ZNF607: variants seen among roughly 807,000 people sequenced by gnomAD.
ZNF607 encodes zinc finger protein 607.
ZNF607 carries 5 observed loss-of-function variants against 12.8 expected under a neutral mutation model. That is an observed-to-expected ratio of 0.39 (90% CI 0.20 to 0.82). The LOEUF is 0.82. Ranked by LOEUF, ZNF607 falls within the 40% of genes least tolerant of loss-of-function variation. ZNF607 has a pLI of 0.39. For missense variants in ZNF607, 851 were observed against 859.2 expected, an observed-to-expected ratio of 0.99 and a Z score of 0.12; for synonymous variants, 287 against 276.2, an observed-to-expected ratio of 1.04 and a Z score of -0.39.
Position 37,699,626 on chromosome 19 carries a change from G to T in ZNF607, c.505C>A (p.Pro169Thr). Residue 169 changes from proline to threonine, a missense_variant, in exon 5 of 5, where the codon CCT becomes ACT. By Grantham distance (38) the Pro-to-Thr change is conservative (BLOSUM62 -1). Transcript: ENST00000355202. Reference sequence around the variant, plus strand: ...TTCCCACATTCTTCACATTCATAAGGTTTCTCACGAGCATTAATTTTCTGA... The same window carrying T: ...TTCCCACATTCTTCACATTCATAAGTTTTCTCACGAGCATTAATTTTCTGA... ...KHQKINAREK[P>T]YECEECGKVF... The T allele has an allele frequency of 6.2e-7, 1 of 1,614,092 alleles. No individual in the cohort carries two copies. The highest frequency in any genetic ancestry group is 8.5e-7 in the Non-Finnish European group (1 of 1,179,998).
rs2145222827 is a variant in ZNF607, at chr19:37,698,820, G to A, written c.1311C>T (p.Ala437=). ...GKAFSQRAHL[A]HHNRIHTGYK... is the part of the protein sequence containing the mutation. ...AACCAGTATGAATTCTGTTATGATG[G>A]GCAAGGTGTGCACGCTGACTGAAGG... Residue 437 remains alanine (A), a synonymous_variant, in exon 5 of 5, where the codon GCC becomes GCT. Coordinates refer to ENST00000355202, the MANE Select transcript of ZNF607 (RefSeq NM_032689.5). 1.9e-6 allele frequency: 3 copies of A among 1,606,228 alleles called. No individual in the cohort carries two copies. The highest frequency in any genetic ancestry group is 2.2e-5 in the East Asian group (1 of 44,500).
intron 2 of ZNF607, 144 bp downstream of exon 2, chr19:37,711,466 A>G (rs1244853929): frequency 8.6e-6 from 7 of 816,146 alleles, no homozygotes; most frequent in East Asian, 5.1e-5. Context: ...GATGTGGTAC[A>G]TATTTTACTG....
chr19:37,699,697 T>G lies in ZNF607; in HGVS notation c.434A>C (p.Glu145Ala). ...ATGGCTAAATGCCTTCCTAAACTTT[T>G]CACATTGATCAGGTTCCTCACTAGT... ...IHTSEEPDQC[E>A]KFRKAFSHLT... Residue 145 changes from glutamate to alanine, a missense_variant, in exon 5 of 5, where the codon GAA becomes GCA. By Grantham distance (107) the Glu-to-Ala change is moderately radical (BLOSUM62 -1). Coordinates refer to ENST00000355202, the MANE Select transcript of ZNF607 (RefSeq NM_032689.5). 1 of 1,614,138 alleles carries G rather than the reference T, an allele frequency of 6.2e-7. No individual in the cohort carries two copies. The highest frequency in any genetic ancestry group is 8.5e-7 in the Non-Finnish European group (1 of 1,180,002).
chr19:37,697,124 GCA>G lies in ZNF607; in HGVS notation c.*914_*915del. ...GGCTAGTGATGGGCCGGAAGAGGATGCACAGTGTGATGTTGACATTCTGTAAA... is the reference window on the plus strand; with the variant it reads ...GGCTAGTGATGGGCCGGAAGAGGATGCAGTGTGATGTTGACATTCTGTAAA... On this transcript the variant is annotated 3_prime_UTR_variant, in exon 5 of 5. Transcript: ENST00000355202. The G allele has an allele frequency of 2.7e-6, 2 of 746,668 alleles. No homozygotes were observed. Among genetic ancestry groups the G allele is most frequent in the Non-Finnish European group, 5.0e-6 (2 of 398,444 alleles). 46.3% of individuals were successfully genotyped at this position (746,668 alleles called of 1,614,324 possible).
chr19:37,696,776 C>G lies in ZNF607; in HGVS notation c.*1264G>C. 7.4e-7 allele frequency: 1 copy of G among 1,344,320 alleles called. No individual in the cohort carries two copies. Among genetic ancestry groups the G allele is most frequent in the South Asian group, 1.2e-5 (1 of 83,122 alleles). The allele number at this position is 1,344,320 out of a possible 1,614,324, so 83.3% of individuals were successfully genotyped here. ...GCCAGTGAGTTGGCGATCAGCTCAG[C>G]TGCCTTGGAGTCACCCTCAGCAGAG... On this transcript the variant is annotated 3_prime_UTR_variant, in exon 5 of 5. Coordinates refer to ENST00000355202, the MANE Select transcript of ZNF607 (RefSeq NM_032689.5).
rs2045021001 is a variant in ZNF607, at chr19:37,699,663, G to T, written c.468C>A (p.Asp156Glu). The T allele has an allele frequency of 1.2e-6, 2 of 1,613,928 alleles. No homozygotes were observed. The highest frequency in any genetic ancestry group is 1.7e-6 in the Non-Finnish European group (2 of 1,179,982). The change falls in exon 5 of 5, where the codon GAC becomes GAA. Residue 156 changes from aspartate (D) to glutamate (E), a missense_variant. By Grantham distance (45) the Asp-to-Glu change is conservative. Coordinates refer to ENST00000355202, the MANE Select transcript of ZNF607 (RefSeq NM_032689.5). ...KFRKAFSHLTDLRKHQKINAR... is the reference protein window; with the variant it reads ...KFRKAFSHLTELRKHQKINAR... ...CATTAATTTTCTGATGCTTTCTAAGGTCTGTAAGATGGCTAAATGCCTTCC... is the reference window on the plus strand; with the variant it reads ...CATTAATTTTCTGATGCTTTCTAAGTTCTGTAAGATGGCTAAATGCCTTCC...
chr19:37,697,055 C>T lies in ZNF607; in HGVS notation c.*985G>A. 1 of 737,314 alleles carries T rather than the reference C, an allele frequency of 1.4e-6. No homozygotes were observed. Among genetic ancestry groups the T allele is most frequent in the Middle Eastern group, 2.5e-4 (1 of 4,072 alleles). The allele number at this position is 737,314 out of a possible 1,614,324, so 45.7% of individuals were successfully genotyped here. A position where few individuals can be genotyped will look rare whatever the true frequency, so the allele number is the denominator to read the frequency against. On this transcript the variant is annotated 3_prime_UTR_variant, in exon 5 of 5. Transcript: ENST00000355202. ...CCGTGGTAATGAACGGCAGCACACA[C>T]TCATCGTAGTCCTCTCCAATGCTGG...
chr19:37,718,721 C>G (rs1363235427), intron 1 of ZNF607, among the ~76,000 whole-genome samples: 1 of 152,202 alleles, frequency 6.6e-6, no homozygotes, highest in African/African-American at 2.4e-5. Flanking sequence ...CATCCTCCAC[C>G]GTCCCCCAGG....
Position 37,697,795 on chromosome 19 carries a change from TTTC to T in ZNF607, c.*242_*244del, listed in dbSNP as rs547092199. On this transcript the variant is annotated 3_prime_UTR_variant, in exon 5 of 5. Transcript: ENST00000355202. ...AAAACTAGAGGAATATCAGAAAAGT[TTTC>T]TTATGTTATTAAAAAAATACATTAT... is the stretch of plus-strand genomic sequence containing the variant. The T allele has an allele frequency of 3.7e-5, 14 of 377,670 alleles. No individual in the cohort carries two copies. The highest frequency in any genetic ancestry group is 1.7e-4 in the Admixed American group (4 of 23,948). 23.4% of individuals were successfully genotyped at this position (377,670 alleles called of 1,614,324 possible).
intron 4 of ZNF607, among the ~76,000 whole-genome samples, chr19:37,707,317 C>A (rs985475237): frequency 5.3e-5 from 8 of 152,002 alleles, no homozygotes; most frequent in Non-Finnish European, 1.0e-4. Context: ...CATAGTGAGA[C>A]CCTGTCTCTA....
At chr19:37,700,832 G>A (rs968670115) in intron 4 of ZNF607, among the ~76,000 whole-genome samples, 4 of 151,720 alleles carry the variant, frequency 2.6e-5, no homozygotes, top group Non-Finnish European at 5.9e-5. Flanking sequence ...AAATCATCGG[G>A]TGAAATATGA....
At position 37,709,678 on chromosome 19, in the gene ZNF607, C is replaced by G. The variant is rs1379251152; in HGVS notation, c.136+18G>C. ...TGATTCTAAATTATTCTAAATCATT[C>G]CAGGTTGATAAACATACCCAATGAG... is the stretch of plus-strand genomic sequence containing the variant. On this transcript the variant is annotated intron_variant, in intron 3 of 4. Coordinates refer to ENST00000355202, the MANE Select transcript of ZNF607 (RefSeq NM_032689.5). The G allele has an allele frequency of 1.9e-6, 3 of 1,609,596 alleles. No homozygotes were observed. In the African/African-American group the frequency reaches 4.0e-5, roughly 21 times the overall value.
rs759314904 is a variant in ZNF607 at position 37,698,390 on chromosome 19, G to A, written c.1741C>T (p.Arg581Ter). ...TAGGACTTTTCACCAGCATGAGTTC[G>A]GTCATGATATATGAGGCTTGTGGCA... ...RHATSLIYHDRTHAGEKSYEC... is the reference protein window; with the variant it reads ...RHATSLIYHD The change falls in exon 5 of 5, where the codon CGA (arginine) becomes TGA (stop). Residue 581 changes from arginine to a stop codon, truncating the protein, a stop_gained. Transcript: ENST00000355202. LOFTEE classifies it low-confidence loss of function (END_TRUNC). 3.2e-5 allele frequency: 51 copies of A among 1,613,958 alleles called. No homozygotes were observed. The Middle Eastern group carries it at 5.8e-3, about 183-fold the overall frequency.
chr19:37,698,136 T>G lies in ZNF607; in HGVS notation c.1995A>C (p.Arg665Ser). 1 of 1,614,110 alleles carries G rather than the reference T, an allele frequency of 6.2e-7. No homozygotes were observed. Among genetic ancestry groups the G allele is most frequent in the Non-Finnish European group, 8.5e-7 (1 of 1,180,006 alleles). ...NSSHELSIHH[R>S]VHTGEKPFKC... ...TAAAGGGTTTCTCACCAGTATGAAC[T>G]CTATGATGTATACTAAGTTCATGGC... The change falls in exon 5 of 5, where the codon AGA becomes AGC. Residue 665 changes from arginine to serine, a missense_variant. Physicochemically the swap from Arg to Ser is moderately radical, Grantham distance 110 (BLOSUM62 -1). Transcript: ENST00000355202.
At position 37,717,806 on chromosome 19, in the gene ZNF607, CAAAAAAAA is replaced by C. The variant is rs57152044; in HGVS notation, c.-75+1455_-75+1462del. On this transcript the variant is annotated intron_variant, in intron 1 of 4. Transcript: ENST00000355202. ...GGGCAACAAGAGCGGAACTCAGTCT[CAAAAAAAA>C]AAAAAAAAAAAAAAAAGAAAGAAAA... 3.4e-3 allele frequency among the ~76,000 whole-genome samples: 230 copies of C among 67,110 alleles called. 2 individuals carry two copies. The highest frequency in any genetic ancestry group is 9.7e-3 in the African/African-American group (155 of 16,010). The allele number at this position is 67,110 out of a possible 152,430, so 44.0% of individuals were successfully genotyped here.
chr19:37,698,818 T>TG lies in ZNF607; in HGVS notation c.1312dup (p.His438ProfsTer3). 6.2e-7 allele frequency: 1 copy of TG among 1,613,690 alleles called. No homozygotes were observed. Among genetic ancestry groups the TG allele is most frequent in the Non-Finnish European group, 8.5e-7 (1 of 1,179,734 alleles). On this transcript the variant is annotated frameshift_variant, in exon 5 of 5. Coordinates refer to ENST00000355202, the MANE Select transcript of ZNF607 (RefSeq NM_032689.5). LOFTEE classifies it low-confidence loss of function (END_TRUNC). ...GTAACCAGTATGAATTCTGTTATGA[T>TG]GGGCAAGGTGTGCACGCTGACTGAA... is the stretch of plus-strand genomic sequence containing the variant.
At chr19:37,710,723 A>C (rs1384859605) in intron 2 of ZNF607, among the ~76,000 whole-genome samples, 1 of 152,206 alleles carries the variant, frequency 6.6e-6, no homozygotes, top group African/African-American at 2.4e-5. Flanking sequence ...AAACTAAATC[A>C]TTATTATGCA....
intron 4 of ZNF607, among the ~76,000 whole-genome samples, chr19:37,703,947 C>T (rs1213758273): frequency 1.3e-5 from 2 of 152,006 alleles, no homozygotes; most frequent in Non-Finnish European, 2.9e-5. Context: ...CTAGCCTGGC[C>T]AACATAGTGA....
At chr19:37,707,833 T>A in intron 4 of ZNF607, 81 bp downstream of exon 4, 1 of 1,036,580 alleles carries the variant, frequency 9.6e-7, no homozygotes, top group Non-Finnish European at 1.5e-6. Context: ...GTTTCAAGGA[T>A]GCGTTTACCA....
Sources: allele counts gnomAD v4.1 joint callset (sites outside exome capture counted in the v4.1 genomes callset), GRCh38; gene constraint gnomAD v4.1.1; transcripts MANE v1.5; gene names NCBI Gene and HGNC (gene_info 2026-07-23, HGNC 2026-07-21).